Variants in HEXIM2 observed in about 807,000 individuals in gnomAD.
HEXIM2 encodes the protein protein HEXIM2.
For synonymous variants in HEXIM2, 159 were observed against 162.7 expected (o/e 0.98, Z 0.17); for missense variants, 413 against 390.8 (o/e 1.06, Z -0.48).
chr17:45,161,920 T>C lies in HEXIM2; in HGVS notation c.-304T>C. On this transcript the variant is annotated 5_prime_UTR_variant, in exon 1 of 4. Coordinates refer to ENST00000589230, the MANE Select transcript of HEXIM2 (RefSeq NM_001303441.2). Reference sequence around the variant, plus strand: ...GTGGCCTGAGCGGCTTGACCAGAGCTGCTGCAACTGCAGCAAGAGGTAGGG... The same window carrying C: ...GTGGCCTGAGCGGCTTGACCAGAGCCGCTGCAACTGCAGCAAGAGGTAGGG... 2.0e-6 allele frequency: 2 copies of C among 985,562 alleles called. No individual in the cohort carries two copies. The highest frequency in any genetic ancestry group is 2.4e-6 in the Non-Finnish European group (2 of 830,054). The allele number at this position is 985,562 out of a possible 1,614,324, so 61.1% of individuals were successfully genotyped here. A position where few individuals can be genotyped will look rare whatever the true frequency, so the allele number is the denominator to read the frequency against.
At chr17:45,165,919 C>T (rs760859370) in intron 3 of HEXIM2, among the ~76,000 whole-genome samples, 2 of 152,084 alleles carry the variant, frequency 1.3e-5, no homozygotes, top group Non-Finnish European at 2.9e-5. Flanking sequence ...CTCAGCCTCC[C>T]AAGTAGCTGG....
chr17:45,161,352 C>G (rs1453332926), upstream of HEXIM2: 3 of 199,118 alleles, frequency 1.5e-5, no homozygotes, highest in African/African-American at 7.0e-5. Context: ...CTTCACCCTC[C>G]CTGGCCCCCG....
Position 45,169,719 on chromosome 17 carries a change from G to C in HEXIM2, c.771G>C (p.Gln257His). 6 of 1,520,868 alleles carry C rather than the reference G, an allele frequency of 3.9e-6. No homozygotes were observed. Among genetic ancestry groups the C allele is most frequent in the Non-Finnish European group, 4.4e-6 (5 of 1,131,992 alleles). 94.2% of individuals were successfully genotyped at this position (1,520,868 alleles called of 1,614,324 possible). A position where few individuals can be genotyped will look rare whatever the true frequency, so the allele number is the denominator to read the frequency against. Reference protein sequence around the residue: ...RQVEELAAEVQRLRTENQRLR... With the variant: ...RQVEELAAEVHRLRTENQRLR... Reference sequence around the variant, plus strand: ...TGGAGGAGCTGGCTGCCGAGGTCCAGAGGCTCCGGACCGAAAACCAGCGGC... The same window carrying C: ...TGGAGGAGCTGGCTGCCGAGGTCCACAGGCTCCGGACCGAAAACCAGCGGC... Residue 257 changes from glutamine to histidine, a missense_variant, in exon 4 of 4, where the codon CAG becomes CAC. Physicochemically the swap from Gln to His is conservative, Grantham distance 24. Transcript: ENST00000589230.
In HEXIM2 at chr17:45,169,573, A is replaced by G. The variant is rs759835049; in HGVS notation, c.625A>G (p.Ser209Gly). ...RFHTESLQGR[S>G]KQELVRDYLE... The stretch of plus-strand genomic sequence containing the variant: ...CCACACCGAGAGCCTGCAGGGCCGC[A>G]GCAAGCAGGAGCTGGTGCGAGACTA... The change falls in exon 4 of 4, where the codon AGC (serine) becomes GGC (glycine). Residue 209 changes from serine (S) to glycine (G), a missense_variant. Physicochemically the swap from Ser to Gly is moderately conservative, Grantham distance 56. Coordinates refer to ENST00000589230, the MANE Select transcript of HEXIM2 (RefSeq NM_001303441.2). 6.5e-7 allele frequency: 1 copy of G among 1,550,142 alleles called. No individual in the cohort carries two copies. Among genetic ancestry groups the G allele is most frequent in the South Asian group, 1.2e-5 (1 of 84,546 alleles).
rs373107246 is a variant in HEXIM2 at position 45,162,868 on chromosome 17, C to T, written c.66+9C>T. 86 of 1,564,534 alleles carry T rather than the reference C, an allele frequency of 5.5e-5. No individual in the cohort carries two copies. The African/African-American group carries it at 1.1e-3, about 19-fold the overall frequency. ...CCCTGGAGGAGGCCAAGGTAAGTCC[C>T]TGCCCTCCTGCCCACCCAAGCACCA... is the stretch of plus-strand genomic sequence containing the variant. On this transcript the variant is annotated intron_variant, in intron 3 of 3. Transcript: ENST00000589230.
rs1176599095 is a variant in HEXIM2 at position 45,169,965 on chromosome 17, G to A, written c.*156G>A. 6 of 542,318 alleles carry A rather than the reference G, an allele frequency of 1.1e-5. No individual in the cohort carries two copies. Among genetic ancestry groups the A allele is most frequent in the Non-Finnish European group, 1.8e-5 (6 of 326,960 alleles). 33.6% of individuals were successfully genotyped at this position (542,318 alleles called of 1,614,324 possible). On this transcript the variant is annotated 3_prime_UTR_variant, in exon 4 of 4. Transcript: ENST00000589230. ...AATCGGTTCAGACTCCCACCTCACCGTTTCCATAGTTGGCTCTTTTGTGTC... is the reference window on the plus strand; with the variant it reads ...AATCGGTTCAGACTCCCACCTCACCATTTCCATAGTTGGCTCTTTTGTGTC...
upstream of HEXIM2, chr17:45,160,703 C>T (rs2144031387): frequency 2.6e-6 from 1 of 381,322 alleles, no homozygotes; most frequent in South Asian, 1.9e-5. Context: ...GGGCAGCACA[C>T]TTTAGGCGTT....
chr17:45,168,906 A>G, intron 3 of HEXIM2, 109 bp from the exon 4 acceptor site: 1 of 1,054,164 alleles, frequency 9.5e-7, no homozygotes, highest in South Asian at 1.5e-5. Context: ...AAGAGTGACC[A>G]AGTTAGCTGA....
intron 3 of HEXIM2, among the ~76,000 whole-genome samples, 187 bp downstream of exon 3, chr17:45,163,046 G>A (rs1031631069): frequency 1.3e-5 from 2 of 152,196 alleles, no homozygotes; most frequent in East Asian, 1.9e-4. Flanking sequence ...GTAACTGGCC[G>A]GGTGCGGTGG....
intron 3 of HEXIM2, 82 bp downstream of exon 3, chr17:45,162,941 G>A: frequency 2.1e-6 from 2 of 954,606 alleles, no homozygotes; most frequent in Non-Finnish European, 3.4e-6. Context: ...TCCCAGATGT[G>A]TTGGTAGATT....
chr17:45,160,912 G>A (rs779924859), upstream of HEXIM2: 14 of 1,289,612 alleles, frequency 1.1e-5, no homozygotes, highest in Admixed American at 2.3e-5. Flanking sequence ...TTCGCAACCC[G>A]GGCGGCGAGA....
rs2042951122 is a variant in HEXIM2 at position 45,169,141 on chromosome 17, C to T, written c.193C>T (p.Leu65=). The T allele has an allele frequency of 9.9e-6, 16 of 1,613,810 alleles. No homozygotes were observed. Among genetic ancestry groups the T allele is most frequent in the African/African-American group, 2.7e-5 (2 of 74,948 alleles). The change falls in exon 4 of 4, where the codon CTG becomes TTG. Residue 65 remains leucine, a synonymous_variant. Coordinates refer to ENST00000589230, the MANE Select transcript of HEXIM2 (RefSeq NM_001303441.2). ...AGATCTTGCTGGGGCTGTCGGTGGC[C>T]TGGGCTGGAACAGTAGGAGTCCCCG... ...DEDLAGAVGG[L]GWNSRSPRTQ...
rs149023557 is a variant in HEXIM2, at chr17:45,169,077, G to A, written c.129G>A (p.Leu43=). Residue 43 remains leucine (L), a synonymous_variant, in exon 4 of 4, where the codon CTG becomes CTA. Coordinates refer to ENST00000589230, the MANE Select transcript of HEXIM2 (RefSeq NM_001303441.2). Reference sequence around the variant, plus strand: ...AGCGTCATGACTCTGGTGGTTCCCTGCCCCTGACACCGCGGATGGAGAGCC... The same window carrying A: ...AGCGTCATGACTCTGGTGGTTCCCTACCCCTGACACCGCGGATGGAGAGCC... ...PPERHDSGGS[L]PLTPRMESHS... 388 of 1,613,934 alleles carry A rather than the reference G, an allele frequency of 2.4e-4. 1 individual carries two copies. The highest frequency in any genetic ancestry group is 3.0e-4 in the Non-Finnish European group (355 of 1,180,034).
upstream of HEXIM2, chr17:45,161,085 G>C (rs1463859397): frequency 1.7e-6 from 1 of 583,514 alleles, no homozygotes; most frequent in Non-Finnish European, 2.9e-6. Context: ...TCCAGTCGAA[G>C]TGGGAGTCCC....
upstream of HEXIM2, chr17:45,160,882 G>C (rs1223077905): frequency 5.4e-6 from 7 of 1,289,130 alleles, no homozygotes; most frequent in Admixed American, 1.6e-4. Context: ...TGCTACAGTA[G>C]TTTAAGAGGG....
At chr17:45,161,028 C>A (rs1447621220), upstream of HEXIM2, 1 of 1,120,092 alleles carries the variant, frequency 8.9e-7, no homozygotes, top group African/African-American at 1.6e-5. Context: ...CGACCTCCGC[C>A]CTCCCCCGCG....
rs971637771 is a variant in HEXIM2 at position 45,169,943 on chromosome 17, C to T, written c.*134C>T. 1.8e-5 allele frequency: 12 copies of T among 649,724 alleles called. No individual in the cohort carries two copies. Among genetic ancestry groups the T allele is most frequent in the Non-Finnish European group, 2.6e-5 (11 of 415,216 alleles). 40.2% of individuals were successfully genotyped at this position (649,724 alleles called of 1,614,324 possible). ...CTGTGCGCCCTGAGAACAGCTAAAT[C>T]GGTTCAGACTCCCACCTCACCGTTT... On this transcript the variant is annotated 3_prime_UTR_variant, in exon 4 of 4. Coordinates refer to ENST00000589230, the MANE Select transcript of HEXIM2 (RefSeq NM_001303441.2).
At chr17:45,162,419 T>G in intron 1 of HEXIM2, 69 bp from the exon 2 acceptor site, 11 of 1,075,080 alleles carry the variant, frequency 1.0e-5, no homozygotes, top group Non-Finnish European at 1.3e-5. Context: ...CTTTGCCCCT[T>G]TGGTGGTTGG....
Position 45,169,509 on chromosome 17 carries a change from G to A in HEXIM2, c.561G>A (p.Glu187=). Residue 187 remains glutamate, a synonymous_variant, in exon 4 of 4, where the codon GAG becomes GAA. Coordinates refer to ENST00000589230, the MANE Select transcript of HEXIM2 (RefSeq NM_001303441.2). The part of the protein sequence containing the change: ...DSDGRGRAHG[E]FQRKDFSETY... ...ATGGGCGGGGCCGAGCGCACGGTGA[G>A]TTCCAGCGGAAGGACTTCTCTGAGA... The A allele has an allele frequency of 6.2e-7, 1 of 1,607,372 alleles. No individual in the cohort carries two copies. The highest frequency in any genetic ancestry group is 8.5e-7 in the Non-Finnish European group (1 of 1,177,026).
Sources: gnomAD v4.1 joint callset for allele counts (sites outside exome capture counted in the v4.1 genomes callset) on GRCh38, gnomAD v4.1.1 for gene constraint, MANE v1.5 for transcripts, NCBI Gene and HGNC (gene_info 2026-07-23, HGNC 2026-07-21) for gene names.